Variants in CSMD1 observed in about 807,000 individuals in gnomAD.
CSMD1 encodes CUB and sushi domain-containing protein 1.
In CSMD1, 213 loss-of-function variants were observed where a neutral mutation model predicts 417.5. The ratio of observed to expected loss-of-function variants is 0.51; its 90% CI spans 0.46 to 0.57. The LOEUF is 0.57. Ranked by LOEUF, CSMD1 falls within the 20% of genes least tolerant of loss-of-function variation. CSMD1 has a pLI of 0.00. For missense variants in CSMD1, 6,923 were observed against 4,529.7 expected (o/e 1.53, Z -15.17); for synonymous variants, 2,862 against 1,736.8 (o/e 1.65, Z -16.11).
intron 1 of CSMD1, among the ~76,000 whole-genome samples, chr8:4,880,054 C>G (rs979922498): frequency 2.6e-5 from 4 of 152,066 alleles, no homozygotes; most frequent in African/African-American, 9.7e-5. Flanking sequence ...TAAAAGTAAT[C>G]TCCTACCTTT....
intron 32 of CSMD1, among the ~76,000 whole-genome samples, chr8:3,200,469 C>T (rs999326761): frequency 6.6e-6 from 1 of 151,720 alleles, no homozygotes; most frequent in Non-Finnish European, 1.5e-5. Flanking sequence ...GCAGGAGAAT[C>T]GCTTGAACCT....
chr8:4,571,852 T>G (rs1798910085), intron 2 of CSMD1, among the ~76,000 whole-genome samples: 1 of 152,250 alleles, frequency 6.6e-6, no homozygotes, highest in Non-Finnish European at 1.5e-5. Flanking sequence ...TAACTCTTCT[T>G]GCATTGATCC....
chr8:3,021,328 A>T lies in CSMD1; in HGVS notation c.7856-2678T>A, dbSNP rs541755781. On this transcript the variant is annotated intron_variant, in intron 51 of 69. Coordinates refer to ENST00000635120, the MANE Select transcript of CSMD1 (RefSeq NM_033225.6). The stretch of plus-strand genomic sequence containing the variant: ...AGCTGAATAATAGAATTTCAGACCC[A>T]GAGTTTCCTTGTATGGTAGTAAACT... Among the ~76,000 whole-genome samples the T allele has an allele frequency of 2.6e-5, 4 of 152,362 alleles. No individual in the cohort carries two copies. The South Asian group carries it at 8.3e-4, about 32-fold the overall frequency.
intron 5 of CSMD1, among the ~76,000 whole-genome samples, chr8:3,767,747 T>C (rs1460552971): frequency 6.6e-6 from 1 of 152,174 alleles, no homozygotes; most frequent in Non-Finnish European, 1.5e-5. Context: ...AACCTTAAGA[T>C]GATAAAACAT....
At chr8:3,325,697 G>T (rs191673754) in intron 23 of CSMD1, among the ~76,000 whole-genome samples, 1 of 152,186 alleles carries the variant, frequency 6.6e-6, no homozygotes, top group East Asian at 1.9e-4. Context: ...GGTGGCAGGC[G>T]CCTATAATCC....
chr8:4,397,140 G>A (rs148784203), intron 3 of CSMD1, among the ~76,000 whole-genome samples: 3 of 151,958 alleles, frequency 2.0e-5, no homozygotes, highest in African/African-American at 2.4e-5. Context: ...ACATGGTCGA[G>A]CAATCACTCT....
chr8:4,817,386 C>T (rs929190765), intron 1 of CSMD1, among the ~76,000 whole-genome samples: 6 of 152,172 alleles, frequency 3.9e-5, no homozygotes, highest in Admixed American at 2.0e-4. Flanking sequence ...ATGAGGCCTG[C>T]TTGGCAACCT....
intron 2 of CSMD1, among the ~76,000 whole-genome samples, chr8:4,483,365 A>G (rs904518025): frequency 4.6e-5 from 7 of 152,206 alleles, no homozygotes; most frequent in South Asian, 4.1e-4. Flanking sequence ...CAGTAGATAA[A>G]TTATTTTGCT....
chr8:4,581,750 C>A (rs528628120), intron 2 of CSMD1, among the ~76,000 whole-genome samples: 1 of 152,288 alleles, frequency 6.6e-6, no homozygotes, highest in African/African-American at 2.4e-5. Context: ...TCACCTCAGA[C>A]CAACAAGACC....
intron 9 of CSMD1, among the ~76,000 whole-genome samples, chr8:3,582,693 T>C (rs1489055836): frequency 1.3e-5 from 2 of 152,162 alleles, no homozygotes; most frequent in Non-Finnish European, 1.5e-5. Flanking sequence ...AAACAAAGTA[T>C]GAAAAAAAGA....
intron 33 of CSMD1, among the ~76,000 whole-genome samples, chr8:3,194,442 T>TTTATTTTATTTTA (rs1796589468): frequency 6.7e-6 from 1 of 149,502 alleles, no homozygotes; most frequent in Non-Finnish European, 1.5e-5. Flanking sequence ...TTTATTTTAT[T>TTTATTTTATTTTA]TTATTTTATT....
At chr8:4,810,919 T>C (rs1248309973) in intron 1 of CSMD1, among the ~76,000 whole-genome samples, 1 of 152,190 alleles carries the variant, frequency 6.6e-6, no homozygotes, top group Non-Finnish European at 1.5e-5. Flanking sequence ...CTACCTCTCC[T>C]GAAATATGAG....
At chr8:4,576,582 G>C (rs144919809) in intron 2 of CSMD1, among the ~76,000 whole-genome samples, 17 of 152,096 alleles carry the variant, frequency 1.1e-4, no homozygotes, top group African/African-American at 4.1e-4. Context: ...TGTGGCGTTG[G>C]GTTATTGTCC....
chr8:3,258,799 G>C (rs1215255136), intron 26 of CSMD1, among the ~76,000 whole-genome samples: 2 of 152,214 alleles, frequency 1.3e-5, no homozygotes, highest in African/African-American at 4.8e-5. Flanking sequence ...CAGGAACATG[G>C]ATGGAGCTGG....
intron 1 of CSMD1, among the ~76,000 whole-genome samples, chr8:4,641,234 C>G (rs1803171492): frequency 6.6e-6 from 1 of 151,882 alleles, no homozygotes; most frequent in Non-Finnish European, 1.5e-5. Flanking sequence ...AAGAGAAAAC[C>G]TGAACACATG....
intron 10 of CSMD1, among the ~76,000 whole-genome samples, chr8:3,559,734 C>G (rs938168410): frequency 2.0e-5 from 3 of 152,100 alleles, no homozygotes; most frequent in African/African-American, 7.2e-5. Flanking sequence ...ATACATATAT[C>G]TACATTTTTG....
intron 5 of CSMD1, among the ~76,000 whole-genome samples, chr8:3,902,036 T>G (rs528404143): frequency 2.6e-5 from 4 of 152,296 alleles, no homozygotes; most frequent in Admixed American, 1.3e-4. Context: ...TTATACGTTG[T>G]TCTTCTTTTG....
chr8:4,018,381 T>G (rs1453409308), intron 4 of CSMD1, among the ~76,000 whole-genome samples: 1 of 152,222 alleles, frequency 6.6e-6, no homozygotes, highest in Non-Finnish European at 1.5e-5. Context: ...ATCATCTTTC[T>G]CTCTTGGCAA....
At chr8:2,981,333 G>C (rs1805404217) in intron 54 of CSMD1, among the ~76,000 whole-genome samples, 1 of 152,216 alleles carries the variant, frequency 6.6e-6, no homozygotes, top group South Asian at 2.1e-4. Context: ...AGGCTTATGT[G>C]AGTGACAGGT....
Sources: allele counts gnomAD v4.1 joint callset (sites outside exome capture counted in the v4.1 genomes callset), GRCh38; gene constraint gnomAD v4.1.1; transcripts MANE v1.5; gene names NCBI Gene and HGNC (gene_info 2026-07-23, HGNC 2026-07-21).